IKZF3: variants seen among roughly 807,000 people sequenced by gnomAD.
The protein encoded by IKZF3 is zinc finger protein Aiolos.
In IKZF3, 10 loss-of-function variants were observed where a neutral mutation model predicts 49.0. That is an observed-to-expected ratio of 0.20 (90% CI 0.13 to 0.35). The LOEUF is 0.35. Among genes scored for constraint, IKZF3 ranks in the 10% least tolerant of loss-of-function variants. The pLI is 1.00. For synonymous variants in IKZF3, 209 were observed against 228.2 expected, an observed-to-expected ratio of 0.92 and a Z score of 0.76; for missense variants, 498 against 664.8, an observed-to-expected ratio of 0.75 and a Z score of 2.76.
intron 3 of IKZF3, among the ~76,000 whole-genome samples, chr17:39,799,583 A>C (rs1364750480): frequency 6.6e-6 from 1 of 152,148 alleles, no homozygotes; most frequent in Non-Finnish European, 1.5e-5. Flanking sequence ...GCTTGTTAGA[A>C]ATACAGGTGC....
At chr17:39,818,431 C>T (rs1462213902) in intron 3 of IKZF3, among the ~76,000 whole-genome samples, 1 of 152,180 alleles carries the variant, frequency 6.6e-6, no homozygotes, top group East Asian at 1.9e-4. Context: ...TTTTATTGTA[C>T]TGAACTCACC....
At chr17:39,766,706 A>T (rs913814122) in intron 7 of IKZF3, among the ~76,000 whole-genome samples, 3 of 152,188 alleles carry the variant, frequency 2.0e-5, no homozygotes, top group African/African-American at 7.2e-5. Flanking sequence ...AGCAGGCAGA[A>T]GAGAGGGGCA....
intron 6 of IKZF3, 165 bp from the exon 7 acceptor site, chr17:39,777,932 T>C: frequency 7.5e-7 from 1 of 1,340,576 alleles, no homozygotes; most frequent in Non-Finnish European, 9.5e-7. Flanking sequence ...CTGTGGTCAG[T>C]GAAGCCGACA....
intron 7 of IKZF3, among the ~76,000 whole-genome samples, chr17:39,772,032 G>A (rs2060457469): frequency 6.6e-6 from 1 of 152,054 alleles, no homozygotes; most frequent in African/African-American, 2.4e-5. Flanking sequence ...ACAGGCATGA[G>A]GCACTGTGCC....
At chr17:39,850,407 TAA>T in intron 1 of IKZF3, among the ~76,000 whole-genome samples, 1 of 134,684 alleles carries the variant, frequency 7.4e-6, no homozygotes, top group African/African-American at 2.8e-5. Flanking sequence ...TATGTATATA[TAA>T]TATATAGCAT....
intron 1 of IKZF3, among the ~76,000 whole-genome samples, chr17:39,850,258 C>CATATTATGTATGTATATATAATATATAGT (rs2062771195): frequency 7.3e-6 from 1 of 137,296 alleles, no homozygotes; most frequent in Admixed American, 7.6e-5. Context: ...CAATATATAG[C>CATATTATGTATGTATATATAATATATAGT]ATATTATGTA....
At chr17:39,815,709 T>C (rs1323458125) in intron 3 of IKZF3, among the ~76,000 whole-genome samples, 2 of 152,196 alleles carry the variant, frequency 1.3e-5, no homozygotes, top group East Asian at 3.8e-4. Flanking sequence ...GGTTATTTCC[T>C]ATGGCTCAAG....
At chr17:39,823,725 G>A (rs1255416685) in intron 3 of IKZF3, among the ~76,000 whole-genome samples, 4 of 152,194 alleles carry the variant, frequency 2.6e-5, no homozygotes, top group African/African-American at 9.7e-5. Context: ...GAGAGTACAA[G>A]CCCCAAGCCT....
chr17:39,855,896 TTATTA>T (rs1379265912), intron 1 of IKZF3, among the ~76,000 whole-genome samples: 1 of 152,034 alleles, frequency 6.6e-6, no homozygotes, highest in Non-Finnish European at 1.5e-5. Context: ...TGCCCCAACT[TTATTA>T]TAAGTATTTA....
chr17:39,813,415 C>A (rs535980664), intron 3 of IKZF3, among the ~76,000 whole-genome samples: 4 of 151,772 alleles, frequency 2.6e-5, no homozygotes, highest in African/African-American at 9.7e-5. Context: ...GAAGCCAAGG[C>A]AGGAGGATTG....
chr17:39,783,333 AT>A (rs1280216501), intron 6 of IKZF3, among the ~76,000 whole-genome samples: 2 of 152,178 alleles, frequency 1.3e-5, no homozygotes, highest in Non-Finnish European at 1.5e-5. Flanking sequence ...AGCATTTTTT[AT>A]TTTTTGAGAT....
At chr17:39,770,247 C>T (rs1193438990) in intron 7 of IKZF3, among the ~76,000 whole-genome samples, 2 of 152,182 alleles carry the variant, frequency 1.3e-5, no homozygotes, top group African/African-American at 4.8e-5. Context: ...TCCAAACCTG[C>T]ACGGAGCATC....
At chr17:39,789,898 C>CA (rs1491574424) in intron 5 of IKZF3, among the ~76,000 whole-genome samples, 658 of 41,506 alleles carry the variant, frequency 0.016, 16 homozygotes, top group South Asian at 0.1. Context: ...GACTCCGTCT[C>CA]AAAAAAAAAA....
chr17:39,801,741 A>T (rs1229038888), intron 3 of IKZF3, among the ~76,000 whole-genome samples: 1 of 152,254 alleles, frequency 6.6e-6, no homozygotes, highest in East Asian at 1.9e-4. Context: ...GAGTAAGGAA[A>T]GTTTTAATAT....
chr17:39,774,892 C>T (rs1380459038), intron 7 of IKZF3, among the ~76,000 whole-genome samples: 1 of 152,236 alleles, frequency 6.6e-6, no homozygotes, highest in African/African-American at 2.4e-5. Context: ...ATAAACACCA[C>T]ATCTGTATAG....
intron 7 of IKZF3, among the ~76,000 whole-genome samples, chr17:39,773,446 T>C (rs2060495127): frequency 6.6e-6 from 1 of 152,240 alleles, no homozygotes; most frequent in Admixed American, 6.5e-5. Context: ...AACTGCTTCC[T>C]GTTGCTGTTA....
At chr17:39,768,434 AG>A (rs2060350874) in intron 7 of IKZF3, among the ~76,000 whole-genome samples, 2 of 152,196 alleles carry the variant, frequency 1.3e-5, no homozygotes, top group Admixed American at 1.3e-4. Context: ...AACGCGATCA[AG>A]AAGTATGAAA....
At chr17:39,854,447 A>G (rs1429346514) in intron 1 of IKZF3, among the ~76,000 whole-genome samples, 1 of 152,216 alleles carries the variant, frequency 6.6e-6, no homozygotes, top group East Asian at 1.9e-4. Flanking sequence ...TCCTCTCTCA[A>G]TGTAGGTGGT....
At chr17:39,844,146 T>C (rs988773602) in intron 1 of IKZF3, among the ~76,000 whole-genome samples, 12 of 152,230 alleles carry the variant, frequency 7.9e-5, no homozygotes, top group Non-Finnish European at 1.8e-4. Flanking sequence ...GTGGTCTTTT[T>C]AATGTGTAGG....
Sources: allele counts gnomAD v4.1 joint callset (sites outside exome capture counted in the v4.1 genomes callset), GRCh38; gene constraint gnomAD v4.1.1; transcripts MANE v1.5; gene names NCBI Gene and HGNC (gene_info 2026-07-23, HGNC 2026-07-21).